EGFR: variants seen among roughly 807,000 people sequenced by gnomAD.
EGFR encodes the protein avian erythroblastic leukemia viral (v-erb-b) oncogene homolog.
In EGFR, 58 loss-of-function variants were observed where a neutral mutation model predicts 143.0. That is an observed-to-expected ratio of 0.41 (90% CI 0.33 to 0.50). The LOEUF (loss-of-function observed/expected upper bound fraction) is 0.50. Ranked by LOEUF, EGFR falls within the 20% of genes least tolerant of loss-of-function variation. The pLI is 0.39. For synonymous variants in EGFR, 613 were observed against 594.4 expected, an observed-to-expected ratio of 1.03 and a Z score of -0.45; for missense variants, 1,307 against 1,579.0, an observed-to-expected ratio of 0.83 and a Z score of 2.92.
rs1786398611 is a variant in EGFR, at chr7:55,019,559, G to A, written c.88+194G>A. 2.0e-5 allele frequency among the ~76,000 whole-genome samples: 3 copies of A among 152,124 alleles called. No homozygotes were observed. In the South Asian group the frequency reaches 6.2e-4, roughly 31 times the overall value. On this transcript the variant is annotated intron_variant, in intron 1 of 27. Transcript: ENST00000275493. ...GACGTTTCGTTCTTCGGCCGGGAGA[G>A]TCTGGGGCGGGCGGAGGAGGAGACG...
chr7:55,191,964 G>GGGA, intron 21 of EGFR, 90 bp downstream of exon 21: 1 of 1,574,720 alleles, frequency 6.4e-7, no homozygotes, highest in Non-Finnish European at 8.6e-7. Context: ...ACACATGCAG[G>GGGA]GGAGGATGCT....
At chr7:55,041,333 C>G (rs1787885896) in intron 1 of EGFR, among the ~76,000 whole-genome samples, 1 of 152,114 alleles carries the variant, frequency 6.6e-6, no homozygotes, top group South Asian at 2.1e-4. Flanking sequence ...ATCTCTTGAA[C>G]CTGGGAGGTA....
chr7:55,020,033 G>T (rs541274710), intron 1 of EGFR, among the ~76,000 whole-genome samples: 1 of 152,204 alleles, frequency 6.6e-6, no homozygotes, highest in East Asian at 1.9e-4. Context: ...TCGCAGCCTC[G>T]ACCTGGGAGC....
chr7:55,111,419 C>G (rs1792482339), intron 1 of EGFR, among the ~76,000 whole-genome samples: 1 of 150,386 alleles, frequency 6.6e-6, no homozygotes, highest in African/African-American at 2.5e-5. Context: ...GACTTGGATT[C>G]CAGTTTCCTG....
intron 1 of EGFR, among the ~76,000 whole-genome samples, chr7:55,027,494 A>G (rs1786960676): frequency 6.6e-6 from 1 of 152,234 alleles, no homozygotes; most frequent in African/African-American, 2.4e-5. Flanking sequence ...GGAAACCTGG[A>G]ATGTCAAAGA....
At chr7:55,090,313 G>A (rs1195263301) in intron 1 of EGFR, among the ~76,000 whole-genome samples, 1 of 152,092 alleles carries the variant, frequency 6.6e-6, no homozygotes, top group Non-Finnish European at 1.5e-5. Context: ...AACTTCAAAT[G>A]ATCTCCAGGG....
At chr7:55,181,121 C>G in intron 19 of EGFR, 172 bp from the exon 20 acceptor site, 4 of 797,918 alleles carry the variant, frequency 5.0e-6, no homozygotes, top group African/African-American at 1.7e-5. Context: ...CACTTCACAG[C>G]CCTGCGTAAA....
chr7:55,179,917 C>T (rs17290392), intron 19 of EGFR: 23,430 of 152,282 alleles, frequency 0.15, 2,058 homozygotes, highest in African/African-American at 0.25. Flanking sequence ...TGCTGTGCCA[C>T]TTTATATCAG....
At chr7:55,174,147 A>T (rs2128953999) in intron 18 of EGFR, 104 bp downstream of exon 18, 10 of 1,499,630 alleles carry the variant, frequency 6.7e-6, no homozygotes, top group Non-Finnish European at 7.2e-6. Flanking sequence ...CATCTACTTT[A>T]CTCTTTGTTT....
intron 27 of EGFR, among the ~76,000 whole-genome samples, chr7:55,204,692 GAC>G (rs1788036670): frequency 1.0e-5 from 1 of 95,354 alleles, no homozygotes; most frequent in Non-Finnish European, 2.1e-5. Context: ...ACACACCACA[GAC>G]ACACATAGAC....
At chr7:55,058,393 CA>C (rs938175363) in intron 1 of EGFR, among the ~76,000 whole-genome samples, 1,316 of 117,370 alleles carry the variant, frequency 0.011, 3 homozygotes, top group Non-Finnish European at 0.016. Flanking sequence ...GACTCTGTCT[CA>C]AAAAAAAAAA....
chr7:55,042,346 G>T (rs1214059107), intron 1 of EGFR, among the ~76,000 whole-genome samples: 4 of 152,154 alleles, frequency 2.6e-5, no homozygotes, highest in African/African-American at 9.7e-5. Flanking sequence ...TTACATCCTT[G>T]CTGTCTGATT....
intron 19 of EGFR, among the ~76,000 whole-genome samples, chr7:55,177,923 A>G (rs1003038070): frequency 6.6e-6 from 1 of 152,226 alleles, no homozygotes; most frequent in Admixed American, 6.5e-5. Context: ...GCGTACACCG[A>G]ACGGGACACA....
intron 1 of EGFR, among the ~76,000 whole-genome samples, chr7:55,064,210 A>ATTTTTTTATTTTTT (rs1347236700): frequency 6.6e-6 from 1 of 152,252 alleles, no homozygotes; most frequent in Non-Finnish European, 1.5e-5. Flanking sequence ...AATAGGTTGT[A>ATTTTTTTATTTTTT]TGTAGTATCC....
intron 22 of EGFR, among the ~76,000 whole-genome samples, chr7:55,193,340 C>A (rs1449501118): frequency 6.6e-6 from 1 of 152,096 alleles, no homozygotes; most frequent in Non-Finnish European, 1.5e-5. Context: ...ATGACCCTTG[C>A]TTCTCGCTCT....
At chr7:55,052,909 C>T (rs551635864) in intron 1 of EGFR, among the ~76,000 whole-genome samples, 1 of 152,260 alleles carries the variant, frequency 6.6e-6, no homozygotes, top group Admixed American at 6.5e-5. Flanking sequence ...TTTCCTGCTT[C>T]ATCCAAGCAG....
chr7:55,155,072 G>A (rs1038471902), intron 7 of EGFR, among the ~76,000 whole-genome samples: 6 of 152,250 alleles, frequency 3.9e-5, no homozygotes, highest in Non-Finnish European at 7.3e-5. Context: ...GAGATACCAA[G>A]AGCAGATGGT....
At chr7:55,155,383 A>G (rs570650626) in intron 7 of EGFR, among the ~76,000 whole-genome samples, 13 of 152,260 alleles carry the variant, frequency 8.5e-5, no homozygotes, top group Non-Finnish European at 1.8e-4. Flanking sequence ...CGGAGGTTGC[A>G]GTGAGCTGAG....
At chr7:55,040,007 T>TA (rs745909676) in intron 1 of EGFR, among the ~76,000 whole-genome samples, 2 of 152,230 alleles carry the variant, frequency 1.3e-5, no homozygotes, top group Admixed American at 6.5e-5. Flanking sequence ...TCTCTTACTA[T>TA]ACACTGATGG....
Sources: gnomAD v4.1 joint callset for allele counts (sites outside exome capture counted in the v4.1 genomes callset) on GRCh38, gnomAD v4.1.1 for gene constraint, MANE v1.5 for transcripts, NCBI Gene and HGNC (gene_info 2026-07-23, HGNC 2026-07-21) for gene names.